The following TARBP1 variants were observed in gnomAD, a reference collection of about 807,000 sequenced individuals.
The protein encoded by TARBP1 is tRNA (guanosine(18)-2'-O)-methyltransferase TARBP1.
A neutral mutation model predicts 178.6 loss-of-function variants in TARBP1; 144 were observed. The ratio of observed to expected loss-of-function variants is 0.81; its 90% CI spans 0.70 to 0.93. The LOEUF (loss-of-function observed/expected upper bound fraction) is 0.93. TARBP1 is among the 40% of genes least tolerant of loss of function. TARBP1 has a pLI of 0.00. For synonymous variants in TARBP1, 787 were observed against 781.0 expected, an observed-to-expected ratio of 1.01 and a Z score of -0.13; for missense variants, 2,067 against 2,011.7, an observed-to-expected ratio of 1.03 and a Z score of -0.53.
In TARBP1 at chr1:234,391,529, T is replaced by C; in HGVS notation, c.*48A>G. The C allele has an allele frequency of 6.6e-7, 1 of 1,525,024 alleles. No individual in the cohort carries two copies. Among genetic ancestry groups the C allele is most frequent in the Non-Finnish European group, 8.8e-7 (1 of 1,135,442 alleles). 94.5% of individuals were successfully genotyped at this position (1,525,024 alleles called of 1,614,324 possible). On this transcript the variant is annotated 3_prime_UTR_variant, in exon 30 of 30. Coordinates refer to ENST00000040877, the MANE Select transcript of TARBP1 (RefSeq NM_005646.4). ...TCTGTTTCTTTAGTCCAAATAGTTTTTTTTAAAAAAGTCTGAACAGCAGCA... is the reference window on the plus strand; with the variant it reads ...TCTGTTTCTTTAGTCCAAATAGTTTCTTTTAAAAAAGTCTGAACAGCAGCA...
Position 234,427,783 on chromosome 1 carries a change from C to T in TARBP1, c.3061-17G>A. 1 of 1,389,090 alleles carries T rather than the reference C, an allele frequency of 7.2e-7. No individual in the cohort carries two copies. The allele number at this position is 1,389,090 out of a possible 1,614,324, so 86.0% of individuals were successfully genotyped here. On this transcript the variant is annotated splice_polypyrimidine_tract_variant and intron_variant, in intron 17 of 29. Transcript: ENST00000040877. ...GTACATAATCTGGAATAAAATACAACCGTCATTTTATCCTTGATTTAGTTT... is the reference window on the plus strand; with the variant it reads ...GTACATAATCTGGAATAAAATACAATCGTCATTTTATCCTTGATTTAGTTT...
chr1:234,462,687 C>CAAAAAAAAAAAAAAAAAAAAAAAAAAA (rs35604890), intron 6 of TARBP1, among the ~76,000 whole-genome samples: 1 of 102,800 alleles, frequency 9.7e-6, no homozygotes, highest in Non-Finnish European at 1.9e-5. Context: ...GACTTCATCT[C>CAAAAAAAAAAAAAAAAAAAAAAAAAAA]AAAAAAAAAA....
Position 234,418,132 on chromosome 1 carries a change from A to G in TARBP1, c.3657T>C (p.Leu1219=). 6.7e-7 allele frequency: 1 copy of G among 1,485,454 alleles called. No individual in the cohort carries two copies. The highest frequency in any genetic ancestry group is 1.4e-5 in the South Asian group (1 of 71,730). 92.0% of individuals were successfully genotyped at this position (1,485,454 alleles called of 1,614,324 possible). ...TTGGAAGAAATTGAGGGAATTTATG[A>G]AGAATCAATATAATAATCCATTCTA... ...YFIEWIIILI[L]HKFPQFLPKF... The change falls in exon 22 of 30, where the codon CTT becomes CTC. Residue 1219 remains leucine, a synonymous_variant. Transcript: ENST00000040877.
In TARBP1 at chr1:234,478,501, T is replaced by G; in HGVS notation, c.603A>C (p.Gln201His). Reference protein sequence around the residue: ...VAGRLLPVLVQCGGAALRAVW... With the variant: ...VAGRLLPVLVHCGGAALRAVW... ...CGGCCCGCAGCGCCGCCCCGCCACATTGGACCAGCACTGGCAGCAGTCGCC... is the reference window on the plus strand; with the variant it reads ...CGGCCCGCAGCGCCGCCCCGCCACAGTGGACCAGCACTGGCAGCAGTCGCC... The change falls in exon 1 of 30, where the codon CAA becomes CAC. Residue 201 changes from glutamine (Q) to histidine (H), a missense_variant. Physicochemically the swap from Gln to His is conservative, Grantham distance 24. Coordinates refer to ENST00000040877, the MANE Select transcript of TARBP1 (RefSeq NM_005646.4). 1 of 1,393,262 alleles carries G rather than the reference T, an allele frequency of 7.2e-7. No individual in the cohort carries two copies. Among genetic ancestry groups the G allele is most frequent in the Non-Finnish European group, 9.3e-7 (1 of 1,070,752 alleles). 86.3% of individuals were successfully genotyped at this position (1,393,262 alleles called of 1,614,324 possible). A position where few individuals can be genotyped will look rare whatever the true frequency, so the allele number is the denominator to read the frequency against.
At position 234,478,669 on chromosome 1, in the gene TARBP1, T is replaced by TGCTA; in HGVS notation, c.431_434dup (p.Ala146SerfsTer36). On this transcript the variant is annotated frameshift_variant, in exon 1 of 30. Coordinates refer to ENST00000040877, the MANE Select transcript of TARBP1 (RefSeq NM_005646.4). LOFTEE classifies it high-confidence loss of function. ...GGGGCCGCAAACATGGCCCGACGGC[T>TGCTA]GCTAGCACTTCCACGGCAGCCTCGG... 1 of 1,249,912 alleles carries TGCTA rather than the reference T, an allele frequency of 8.0e-7. No homozygotes were observed. The highest frequency in any genetic ancestry group is 1.6e-5 in the African/African-American group (1 of 63,020). The allele number at this position is 1,249,912 out of a possible 1,614,324, so 77.4% of individuals were successfully genotyped here. A position where few individuals can be genotyped will look rare whatever the true frequency, so the allele number is the denominator to read the frequency against.
intron 8 of TARBP1, among the ~76,000 whole-genome samples, chr1:234,458,340 G>T (rs182323286): frequency 1.3e-5 from 2 of 151,406 alleles, no homozygotes; most frequent in African/African-American, 4.9e-5. Context: ...GCAAAACTCT[G>T]TCTCAAAAAA....
Position 234,419,758 on chromosome 1 carries a change from A to G in TARBP1, c.3555+944T>C, listed in dbSNP as rs576283102. Among the ~76,000 whole-genome samples, 8 of 152,276 alleles carry G rather than the reference A, an allele frequency of 5.3e-5. No homozygotes were observed. In the East Asian group the frequency reaches 1.4e-3, roughly 26 times the overall value. Reference sequence around the variant, plus strand: ...AAATAATACTAAAAGACCTATGATGAAAAATAGCAACCTCCCCCACCCCCC... The same window carrying G: ...AAATAATACTAAAAGACCTATGATGGAAAATAGCAACCTCCCCCACCCCCC... On this transcript the variant is annotated intron_variant, in intron 21 of 29. Coordinates refer to ENST00000040877, the MANE Select transcript of TARBP1 (RefSeq NM_005646.4).
chr1:234,478,272 C>A lies in TARBP1; in HGVS notation c.832G>T (p.Ala278Ser), dbSNP rs558674968. 5.0e-6 allele frequency: 8 copies of A among 1,593,242 alleles called. No individual in the cohort carries two copies. The Admixed American group carries it at 5.1e-5, about 10-fold the overall frequency. The change falls in exon 1 of 30, where the codon GCC becomes TCC. Residue 278 changes from alanine (A) to serine (S), a missense_variant. Ala to Ser is a moderately conservative substitution (Grantham distance 99, BLOSUM62 1). Transcript: ENST00000040877. ...TVQAGLGQAD[A>S]LTRKRARYLL... The stretch of plus-strand genomic sequence containing the variant: ...TAGCGCGCTCGCTTGCGCGTCAGGG[C>A]GTCCGCCTGGCCCAGCCCCGCCTGC...
intron 15 of TARBP1, 96 bp from the exon 16 acceptor site, chr1:234,429,773 G>C (rs997657085): frequency 3.9e-6 from 5 of 1,298,160 alleles, no homozygotes; most frequent in Non-Finnish European, 5.2e-6. Flanking sequence ...GTGGGGGGGG[G>C]GGGGCAGTGT....
At position 234,406,199 on chromosome 1, in the gene TARBP1, T is replaced by C. The variant is rs186368075; in HGVS notation, c.3793-100A>G. Reference sequence around the variant, plus strand: ...AGTACACGAATGATACAACTGCTCCTAGTAAAACTTCTTCCACTGGCTTTG... The same window carrying C: ...AGTACACGAATGATACAACTGCTCCCAGTAAAACTTCTTCCACTGGCTTTG... On this transcript the variant is annotated intron_variant, in intron 23 of 29. Coordinates refer to ENST00000040877, the MANE Select transcript of TARBP1 (RefSeq NM_005646.4). 5 of 1,085,432 alleles carry C rather than the reference T, an allele frequency of 4.6e-6. No individual in the cohort carries two copies. In the African/African-American group the frequency reaches 6.3e-5, roughly 14 times the overall value. The allele number at this position is 1,085,432 out of a possible 1,614,324, so 67.2% of individuals were successfully genotyped here.
chr1:234,397,971 A>T (rs1215093229), intron 26 of TARBP1, among the ~76,000 whole-genome samples: 2 of 150,812 alleles, frequency 1.3e-5, no homozygotes, highest in Non-Finnish European at 3.0e-5. Flanking sequence ...CCAAGAGGGG[A>T]CTAGAATCAA....
chr1:234,452,234 T>C (rs17378272), intron 9 of TARBP1, among the ~76,000 whole-genome samples: 4,072 of 152,234 alleles, frequency 0.027, 81 homozygotes, highest in Middle Eastern at 0.051. Context: ...TGATTCCCCA[T>C]TACAATACAA....
At chr1:234,430,834 C>A (rs1448927630) in intron 14 of TARBP1, among the ~76,000 whole-genome samples, 1 of 152,176 alleles carries the variant, frequency 6.6e-6, no homozygotes, top group Non-Finnish European at 1.5e-5. Context: ...CCACAAAGCC[C>A]AGGTCTGAAT....
At chr1:234,458,109 C>T (rs996048786) in intron 8 of TARBP1, among the ~76,000 whole-genome samples, 4 of 151,932 alleles carry the variant, frequency 2.6e-5, no homozygotes, top group Non-Finnish European at 4.4e-5. Context: ...ATTGGGAGCC[C>T]GAGGTGGGTG....
chr1:234,479,142 G>A lies in TARBP1; in HGVS notation c.-39C>T. The stretch of plus-strand genomic sequence containing the variant: ...GCGCCACCGGCCCGGGCTCCCAAAG[G>A]AAGGCGCCGGCGTGTGCGATGCGTG... On this transcript the variant is annotated 5_prime_UTR_variant, in exon 1 of 30. Coordinates refer to ENST00000040877, the MANE Select transcript of TARBP1 (RefSeq NM_005646.4). 2.0e-6 allele frequency: 3 copies of A among 1,488,880 alleles called. No individual in the cohort carries two copies. The highest frequency in any genetic ancestry group is 2.6e-6 in the Non-Finnish European group (3 of 1,133,074). The allele number at this position is 1,488,880 out of a possible 1,614,324, so 92.2% of individuals were successfully genotyped here.
chr1:234,469,643 G>A (rs1386166116), intron 3 of TARBP1, among the ~76,000 whole-genome samples: 1 of 152,162 alleles, frequency 6.6e-6, no homozygotes, highest in Non-Finnish European at 1.5e-5. Context: ...CATTTACCTA[G>A]GTTAATTCTC....
intron 21 of TARBP1, among the ~76,000 whole-genome samples, chr1:234,418,921 C>G (rs1662740361): frequency 6.6e-6 from 1 of 152,278 alleles, no homozygotes; most frequent in African/African-American, 2.4e-5. Flanking sequence ...GCCTGTAATC[C>G]CAGCACTTTG....
chr1:234,457,754 C>G lies in TARBP1; in HGVS notation c.1635G>C (p.Glu545Asp). ...TTGAGACATCAGAAAGTGACACTTT[C>G]TCCTGGGCAGGGCAGGAAAGGTTTT... ...LQTAMNLLDV[E>D]KVSLSDVSTF... The change falls in exon 9 of 30, where the codon GAG becomes GAC. Residue 545 changes from glutamate (E) to aspartate (D), a missense_variant and splice_region_variant. Glu to Asp is a conservative substitution (Grantham distance 45, BLOSUM62 2). Transcript: ENST00000040877. 1 of 1,606,664 alleles carries G rather than the reference C, an allele frequency of 6.2e-7. No homozygotes were observed. Among genetic ancestry groups the G allele is most frequent in the Non-Finnish European group, 8.5e-7 (1 of 1,175,948 alleles).
Position 234,450,475 on chromosome 1 carries a change from T to G in TARBP1, c.1814A>C (p.Tyr605Ser), listed in dbSNP as rs1223232935. The G allele has an allele frequency of 1.9e-6, 3 of 1,610,390 alleles. No individual in the cohort carries two copies. Among genetic ancestry groups the G allele is most frequent in the Non-Finnish European group, 1.7e-6 (2 of 1,178,648 alleles). ...ATACTCTTGAACAATGCTCTTTACA[T>G]AAGCATTTAAAGATGTCTTGTGAAG... ...IGLHKTSLNA[Y>S]VKSIVQEYVK... is the part of the protein sequence containing the mutation. Residue 605 changes from tyrosine to serine, a missense_variant, in exon 10 of 30, where the codon TAT (tyrosine) becomes TCT (serine). Coordinates refer to ENST00000040877, the MANE Select transcript of TARBP1 (RefSeq NM_005646.4).
Sources: allele counts gnomAD v4.1 joint callset (sites outside exome capture counted in the v4.1 genomes callset), GRCh38; gene constraint gnomAD v4.1.1; transcripts MANE v1.5; gene names NCBI Gene and HGNC (gene_info 2026-07-23, HGNC 2026-07-21).